GLIS1: variants seen among roughly 807,000 people sequenced by gnomAD.
The protein encoded by GLIS1 is GLIS family zinc finger 1, also known as zinc finger protein GLIS1.
Under a neutral mutation model 63.8 loss-of-function variants are expected in GLIS1, and 24 were observed. The ratio of observed to expected loss-of-function variants is 0.38; its 90% confidence interval spans 0.27 to 0.53. GLIS1 has a LOEUF of 0.53. Ranked by LOEUF, GLIS1 falls within the 20% of genes least tolerant of loss-of-function variation. The pLI, the probability that GLIS1 is intolerant of heterozygous loss-of-function variation, is 0.85. For synonymous variants in GLIS1, 450 were observed against 482.5 expected (o/e 0.93, Z 0.88); for missense variants, 1,036 against 1,074.1 (o/e 0.96, Z 0.50).
chr1:53,732,146 T>C (rs1393224624), intron 2 of GLIS1, among the ~76,000 whole-genome samples: 3 of 152,246 alleles, frequency 2.0e-5, no homozygotes, highest in Admixed American at 6.5e-5. Context: ...AAATGCTAAC[T>C]TTAAAAACAC....
intron 2 of GLIS1, among the ~76,000 whole-genome samples, chr1:53,673,814 T>C (rs964165660): frequency 2.0e-5 from 3 of 152,170 alleles, no homozygotes; most frequent in Non-Finnish European, 4.4e-5. Context: ...GGTGGTGAAG[T>C]CCGCATGAAG....
chr1:53,550,134 G>T (rs1644743900), intron 4 of GLIS1, among the ~76,000 whole-genome samples: 1 of 152,238 alleles, frequency 6.6e-6, no homozygotes, highest in Non-Finnish European at 1.5e-5. Flanking sequence ...TATTCGCAAA[G>T]AAGTCAGTTT....
chr1:53,645,752 G>A (rs1234585732), intron 2 of GLIS1, among the ~76,000 whole-genome samples: 1 of 152,254 alleles, frequency 6.6e-6, no homozygotes, highest in Non-Finnish European at 1.5e-5. Context: ...AAACACTGGT[G>A]CTCAGAGAAG....
At chr1:53,597,164 C>A (rs1237174863) in intron 3 of GLIS1, among the ~76,000 whole-genome samples, 1 of 98,214 alleles carries the variant, frequency 1.0e-5, no homozygotes, top group Non-Finnish European at 1.9e-5. Flanking sequence ...CCTGGTGAAA[C>A]CCTGTCTCTA....
chr1:53,723,859 C>T (rs1260361151), intron 2 of GLIS1, among the ~76,000 whole-genome samples: 1 of 152,164 alleles, frequency 6.6e-6, no homozygotes, highest in East Asian at 1.9e-4. Context: ...ATCCAGGAAC[C>T]TACAAGAATA....
chr1:53,620,561 G>A (rs1243383225), intron 2 of GLIS1, among the ~76,000 whole-genome samples: 1 of 152,220 alleles, frequency 6.6e-6, no homozygotes, highest in African/African-American at 2.4e-5. Flanking sequence ...GTTTCGTTTC[G>A]GCTCCACGCA....
At chr1:53,738,193 C>T in intron 1 of GLIS1, 87 bp from the exon 2 acceptor site, 2 of 759,948 alleles carry the variant, frequency 2.6e-6, no homozygotes, top group Middle Eastern at 4.3e-4. Flanking sequence ...GGTCACTGCC[C>T]CTTCGGTGGA....
intron 2 of GLIS1, among the ~76,000 whole-genome samples, chr1:53,671,441 G>C (rs1489723640): frequency 6.6e-6 from 1 of 152,264 alleles, no homozygotes; most frequent in Middle Eastern, 3.2e-3. Flanking sequence ...TTGGGTACCT[G>C]TATTTGGAGA....
chr1:53,536,442 C>A (rs764813931), intron 4 of GLIS1, among the ~76,000 whole-genome samples: 37 of 152,096 alleles, frequency 2.4e-4, no homozygotes, highest in Non-Finnish European at 5.0e-4. Context: ...GACTGGGTGA[C>A]ACTTTCTCTG....
chr1:53,683,347 GC>G (rs5774157), intron 2 of GLIS1, among the ~76,000 whole-genome samples: 148,251 of 152,238 alleles, frequency 0.97, 72,304 homozygotes, highest in Middle Eastern at 1. Context: ...CAGAGCCTGA[GC>G]CCCCCCAACC....
intron 2 of GLIS1, among the ~76,000 whole-genome samples, chr1:53,665,003 G>T (rs905588598): frequency 2.0e-5 from 3 of 152,146 alleles, no homozygotes; most frequent in Non-Finnish European, 4.4e-5. Flanking sequence ...GGCGAGGGGG[G>T]CACTGCTGCC....
chr1:53,585,336 C>T (rs1011035881), intron 4 of GLIS1, among the ~76,000 whole-genome samples: 6 of 152,214 alleles, frequency 3.9e-5, no homozygotes, highest in South Asian at 2.1e-4. Flanking sequence ...CTCCCCTCCA[C>T]GCAGACAGGA....
intron 4 of GLIS1, among the ~76,000 whole-genome samples, chr1:53,562,687 C>T (rs1049218900): frequency 3.3e-5 from 5 of 152,128 alleles, no homozygotes; most frequent in African/African-American, 1.2e-4. Context: ...CTCCTCCAAC[C>T]GTATCAACAC....
chr1:53,593,254 C>T (rs1569880520), intron 4 of GLIS1, among the ~76,000 whole-genome samples: 1 of 152,384 alleles, frequency 6.6e-6, no homozygotes, highest in East Asian at 1.9e-4. Context: ...TCTGGGCAGG[C>T]ACCTCTCCTA....
rs1313270470 is a variant in GLIS1 at position 53,555,562 on chromosome 1, C to T, written c.1321-25610G>A. 2.6e-5 allele frequency among the ~76,000 whole-genome samples: 4 copies of T among 152,098 alleles called. No individual in the cohort carries two copies. In the East Asian group the frequency reaches 5.8e-4, roughly 22 times the overall value. On this transcript the variant is annotated intron_variant, in intron 4 of 10. Coordinates refer to ENST00000628545, the MANE Select transcript of GLIS1 (RefSeq NM_001367484.1). Reference sequence around the variant, plus strand: ...CAAAAACAAAAACAAAAACAAAATGCATATTTGGATTGTTTGTAACACAAA... The same window carrying T: ...CAAAAACAAAAACAAAAACAAAATGTATATTTGGATTGTTTGTAACACAAA...
At chr1:53,683,428 C>T (rs891292565) in intron 2 of GLIS1, among the ~76,000 whole-genome samples, 1 of 152,180 alleles carries the variant, frequency 6.6e-6, no homozygotes, top group African/African-American at 2.4e-5. Context: ...TGGGTTCAAG[C>T]TCCAGCCCTG....
chr1:53,691,845 A>G (rs987037709), intron 2 of GLIS1, among the ~76,000 whole-genome samples: 3 of 152,010 alleles, frequency 2.0e-5, no homozygotes, highest in Non-Finnish European at 4.4e-5. Context: ...ACCCAGCATT[A>G]CCAGGTTCCA....
chr1:53,661,962 G>T (rs1305053051), intron 2 of GLIS1, among the ~76,000 whole-genome samples: 1 of 152,208 alleles, frequency 6.6e-6, no homozygotes, highest in Admixed American at 6.5e-5. Context: ...AGGGAGGGAT[G>T]GAGGGCCATA....
At chr1:53,642,243 C>T (rs1260891872) in intron 2 of GLIS1, among the ~76,000 whole-genome samples, 1 of 152,226 alleles carries the variant, frequency 6.6e-6, no homozygotes, top group Non-Finnish European at 1.5e-5. Context: ...GATGGTGGGA[C>T]ACTGTAATTA....
Sources: gnomAD v4.1 joint callset for allele counts (sites outside exome capture counted in the v4.1 genomes callset) on GRCh38, gnomAD v4.1.1 for gene constraint, MANE v1.5 for transcripts, NCBI Gene and HGNC (gene_info 2026-07-23, HGNC 2026-07-21) for gene names.